Variants in RBFOX1 observed in about 807,000 individuals in gnomAD.
RBFOX1 encodes the protein RNA binding fox-1 homolog 1, also known as RNA binding protein fox-1 homolog 1.
RBFOX1 carries 8 observed loss-of-function variants against 57.7 expected under a neutral mutation model. That is an observed-to-expected ratio of 0.14 (90% confidence interval 0.08 to 0.25). RBFOX1 has a LOEUF of 0.25. Ranked by LOEUF, RBFOX1 falls within the 10% of genes least tolerant of loss-of-function variation. The pLI is 1.00. For synonymous variants in RBFOX1, 326 were observed against 222.4 expected (o/e 1.47, Z -4.15); for missense variants, 611 against 548.5 (o/e 1.11, Z -1.14).
At chr16:6,425,191 C>T (rs570928391) in intron 2 of RBFOX1, among the ~76,000 whole-genome samples, 6 of 152,132 alleles carry the variant, frequency 3.9e-5, no homozygotes, top group Admixed American at 6.5e-5. Context: ...ATTTTCTGTC[C>T]TGGGTTGATT....
At chr16:6,756,679 G>C (rs78044481) in intron 3 of RBFOX1, among the ~76,000 whole-genome samples, 3,056 of 152,168 alleles carry the variant, frequency 0.02, 90 homozygotes, top group African/African-American at 0.066. Flanking sequence ...TTTCTTAAAA[G>C]AAGATATACA....
intron 2 of RBFOX1, among the ~76,000 whole-genome samples, chr16:6,612,480 A>G (rs1005456287): frequency 2.0e-5 from 3 of 152,194 alleles, no homozygotes; most frequent in Admixed American, 6.5e-5. Flanking sequence ...TTACAGCACA[A>G]ACTACTTTTA....
chr16:6,805,734 T>G lies in RBFOX1; in HGVS notation c.-16+151084T>G, dbSNP rs1216436458. The stretch of plus-strand genomic sequence containing the variant: ...CTGCATGCCTCACAATGTACCCTCC[T>G]TTCTTCAAGGTTTTTCCCTCCACTG... On this transcript the variant is annotated intron_variant, in intron 3 of 15. Coordinates refer to ENST00000550418, the MANE Select transcript of RBFOX1 (RefSeq NM_018723.4). Among the ~76,000 whole-genome samples the G allele has an allele frequency of 2.0e-5, 3 of 152,298 alleles. 1 individual carries two copies. The East Asian group carries it at 5.8e-4, about 29-fold the overall frequency.
chr16:6,902,117 G>A (rs1253685899), intron 3 of RBFOX1, among the ~76,000 whole-genome samples: 1 of 152,078 alleles, frequency 6.6e-6, no homozygotes, highest in African/African-American at 2.4e-5. Context: ...TGTCTTACTT[G>A]AAACCAGGAG....
chr16:5,515,932 T>C (rs553884315), intron 2 of RBFOX1, among the ~76,000 whole-genome samples: 1 of 152,344 alleles, frequency 6.6e-6, no homozygotes, highest in South Asian at 2.1e-4. Flanking sequence ...TTTCATTTTG[T>C]AAATGAAGAA....
intron 5 of RBFOX1, chr16:7,519,793 TG>T (rs2077130858): frequency 1.2e-6 from 1 of 860,308 alleles, no homozygotes; most frequent in Non-Finnish European, 1.4e-6. Context: ...CTTTGAAGCA[TG>T]ATACATTTCC....
intron 3 of RBFOX1, among the ~76,000 whole-genome samples, chr16:6,730,090 G>C (rs201263906): frequency 1.3e-5 from 2 of 152,104 alleles, no homozygotes; most frequent in East Asian, 3.8e-4. Flanking sequence ...CTGTTAGAAA[G>C]ACATCTCTCC....
intron 4 of RBFOX1, among the ~76,000 whole-genome samples, chr16:7,092,296 C>G (rs946844157): frequency 6.6e-6 from 1 of 152,124 alleles, no homozygotes; most frequent in Non-Finnish European, 1.5e-5. Flanking sequence ...GCATTAAAAG[C>G]CTGTATCAAT....
At chr16:7,489,769 A>C (rs568575066) in intron 4 of RBFOX1, among the ~76,000 whole-genome samples, 1 of 151,502 alleles carries the variant, frequency 6.6e-6, no homozygotes, top group Non-Finnish European at 1.5e-5. Flanking sequence ...GATCCTCCCA[A>C]CTCAGCCTTC....
At chr16:6,369,104 A>T (rs1291593363) in intron 2 of RBFOX1, among the ~76,000 whole-genome samples, 3 of 152,222 alleles carry the variant, frequency 2.0e-5, no homozygotes, top group Non-Finnish European at 2.9e-5. Flanking sequence ...GTATGTGTGT[A>T]TATGTATATA....
intron 2 of RBFOX1, among the ~76,000 whole-genome samples, chr16:6,470,925 C>G (rs1327903662): frequency 6.6e-6 from 1 of 152,128 alleles, no homozygotes; most frequent in African/African-American, 2.4e-5. Context: ...TGTGCAAACC[C>G]TCATCATCTT....
At chr16:6,049,158 G>A (rs2095526106) in intron 1 of RBFOX1, among the ~76,000 whole-genome samples, 1 of 150,932 alleles carries the variant, frequency 6.6e-6, no homozygotes, top group Non-Finnish European at 1.5e-5. Context: ...GGCTTTCTGG[G>A]GTTCAAGTGA....
At chr16:6,660,726 C>T (rs998046742) in intron 3 of RBFOX1, among the ~76,000 whole-genome samples, 2 of 151,994 alleles carry the variant, frequency 1.3e-5, no homozygotes, top group African/African-American at 4.8e-5. Flanking sequence ...TAATACCTGG[C>T]ACAAAATAAG....
intron 4 of RBFOX1, among the ~76,000 whole-genome samples, chr16:7,370,112 G>T (rs1399064858): frequency 6.6e-6 from 1 of 152,188 alleles, no homozygotes; most frequent in African/African-American, 2.4e-5. Flanking sequence ...GGGTTTCCCT[G>T]TGTACTGTAG....
At chr16:6,380,943 C>G (rs2091749287) in intron 2 of RBFOX1, among the ~76,000 whole-genome samples, 1 of 152,090 alleles carries the variant, frequency 6.6e-6, no homozygotes, top group African/African-American at 2.4e-5. Context: ...TCTGTGCATT[C>G]TGGTGATTGC....
chr16:6,354,250 GATAT>G (rs2086894648), intron 2 of RBFOX1, among the ~76,000 whole-genome samples: 1 of 151,718 alleles, frequency 6.6e-6, no homozygotes, highest in South Asian at 2.1e-4. Context: ...CACACACATA[GATAT>G]ATATAAAAAA....
intron 4 of RBFOX1, among the ~76,000 whole-genome samples, chr16:5,903,871 G>C (rs1310016477): frequency 6.6e-6 from 1 of 152,128 alleles, no homozygotes; most frequent in Non-Finnish European, 1.5e-5. Context: ...GCCTTGGTTG[G>C]TGCAAGCCCT....
At chr16:6,935,087 C>G (rs1372079619) in intron 3 of RBFOX1, among the ~76,000 whole-genome samples, 2 of 151,366 alleles carry the variant, frequency 1.3e-5, no homozygotes, top group African/African-American at 4.9e-5. Context: ...AGACCCCCAT[C>G]TCGGAAAAAA....
chr16:5,930,678 G>T (rs1466999997), intron 4 of RBFOX1, among the ~76,000 whole-genome samples: 1 of 102,268 alleles, frequency 9.8e-6, no homozygotes, highest in Non-Finnish European at 2.0e-5. Context: ...GGGCACATGG[G>T]TAAGTGGGAG....
Sources: allele counts gnomAD v4.1 joint callset (sites outside exome capture counted in the v4.1 genomes callset), GRCh38; gene constraint gnomAD v4.1.1; transcripts MANE v1.5; gene names NCBI Gene and HGNC (gene_info 2026-07-23, HGNC 2026-07-21).